Variants in TRMT11 observed in about 807,000 individuals in gnomAD.
The protein encoded by TRMT11 is tRNA (guanine(10)-N(2))-methyltransferase TRMT11.
Under a neutral mutation model 62.8 loss-of-function variants are expected in TRMT11, and 53 were observed. The observed-to-expected ratio is 0.84, with a 90% CI of 0.68 to 1.06. The LOEUF (loss-of-function observed/expected upper bound fraction) is 1.06, where lower values mean the gene tolerates loss of function less well. TRMT11 is among the 50% of genes least tolerant of loss of function. The pLI is 0.00. For synonymous variants in TRMT11, 188 were observed against 190.3 expected, an observed-to-expected ratio of 0.99 and a Z score of 0.10; for missense variants, 556 against 553.4, an observed-to-expected ratio of 1.00 and a Z score of -0.05.
chr6:126,140,236 C>T (rs984679958), intron 21 of TRMT11, among the ~76,000 whole-genome samples: 1 of 151,536 alleles, frequency 6.6e-6, no homozygotes, highest in South Asian at 2.1e-4. Flanking sequence ...CCTATTTGGT[C>T]CTGATGTGTA....
At chr6:126,039,715 A>T (rs183362100), downstream of TRMT11, among the ~76,000 whole-genome samples, 258 of 152,186 alleles carry the variant, frequency 1.7e-3, 4 homozygotes, top group African/African-American at 5.6e-3. Flanking sequence ...TTAATTCAGG[A>T]TGCTAATAGC....
chr6:126,080,161 G>A (rs1777130451), intron 17 of TRMT11, among the ~76,000 whole-genome samples: 1 of 152,028 alleles, frequency 6.6e-6, no homozygotes, highest in Admixed American at 6.6e-5. Flanking sequence ...GAGTGCAGTG[G>A]CGTGATCATA....
At chr6:126,244,200 A>T in the TRMT11 span, among the ~76,000 whole-genome samples, 3 of 151,756 alleles carry the variant, frequency 2.0e-5, no homozygotes, top group Non-Finnish European at 4.4e-5. Context: ...CCATCAGTGT[A>T]TGGGAGAAAT....
Position 126,011,220 on chromosome 6 carries a change from A to G in TRMT11, c.761-33A>G, listed in dbSNP as rs371375680. 7 of 1,574,294 alleles carry G rather than the reference A, an allele frequency of 4.4e-6. No homozygotes were observed. In the African/African-American group the frequency reaches 9.5e-5, roughly 21 times the overall value. ...ACAGAAAATAAGAATACTCTGTTTA[A>G]TACTTTCTCTCTTCCTTTTTCTTTC... On this transcript the variant is annotated intron_variant, in intron 8 of 12. Transcript: ENST00000334379.
chr6:126,119,480 T>TAA (rs56778747), intron 21 of TRMT11, among the ~76,000 whole-genome samples: 16 of 124,354 alleles, frequency 1.3e-4, no homozygotes, highest in African/African-American at 3.6e-4. Context: ...TCTTCTTTGA[T>TAA]AAAAAAAAAA....
intron 21 of TRMT11, among the ~76,000 whole-genome samples, chr6:126,157,010 C>A (rs1029228584): frequency 6.6e-6 from 1 of 152,180 alleles, no homozygotes; most frequent in Non-Finnish European, 1.5e-5. Context: ...ATTCCAAATG[C>A]AGAGTTTCTC....
At chr6:125,988,251 A>G (rs1349980304) in intron 1 of TRMT11, among the ~76,000 whole-genome samples, 3 of 152,248 alleles carry the variant, frequency 2.0e-5, no homozygotes, top group Non-Finnish European at 2.9e-5. Flanking sequence ...TAAAGCGAAT[A>G]TGTTGAGTTT....
At chr6:126,192,840 G>C (rs1778618840) in intron 1 of TRMT11, among the ~76,000 whole-genome samples, 1 of 152,036 alleles carries the variant, frequency 6.6e-6, no homozygotes. Context: ...CTAATATTTT[G>C]TTGAGAATTT....
intron 1 of TRMT11, among the ~76,000 whole-genome samples, chr6:126,178,285 T>G (rs1778413669): frequency 6.6e-6 from 1 of 152,186 alleles, no homozygotes; most frequent in Non-Finnish European, 1.5e-5. Flanking sequence ...CTGTTCCATG[T>G]GAGCTATGAG....
chr6:126,182,856 G>A (rs923745460), intron 1 of TRMT11, among the ~76,000 whole-genome samples: 1 of 151,876 alleles, frequency 6.6e-6, no homozygotes, highest in African/African-American at 2.4e-5. Flanking sequence ...TTTTTATTTT[G>A]CAATCTCTGC....
chr6:126,249,527 A>G, the TRMT11 span, among the ~76,000 whole-genome samples: 1 of 152,194 alleles, frequency 6.6e-6, no homozygotes, highest in Non-Finnish European at 1.5e-5. Context: ...ACTTTTAGCT[A>G]TAAGAAGACA....
At chr6:125,991,283 T>C (rs993525082) in intron 1 of TRMT11, among the ~76,000 whole-genome samples, 4 of 151,686 alleles carry the variant, frequency 2.6e-5, no homozygotes, top group African/African-American at 9.7e-5. Context: ...GACTGTTCTC[T>C]CTCTGTTTTC....
the TRMT11 span, among the ~76,000 whole-genome samples, chr6:126,229,850 A>G: frequency 6.6e-6 from 1 of 152,154 alleles, no homozygotes; most frequent in African/African-American, 2.4e-5. Flanking sequence ...AGTAGAAGTT[A>G]TATTATGTAG....
At chr6:126,109,238 A>G (rs937925350) in intron 17 of TRMT11, among the ~76,000 whole-genome samples, 1 of 152,204 alleles carries the variant, frequency 6.6e-6, no homozygotes, top group East Asian at 1.9e-4. Flanking sequence ...AGTTGTCCCA[A>G]TGAAAAGGTT....
At position 126,099,375 on chromosome 6, in the gene TRMT11, A is replaced by C. The variant is rs574126648; in HGVS notation, c.*1438-13491A>C. ...AAAATGAAAATAAATTTAGTGCATC[A>C]ATCAAAATTTGGCCACCTACCTGTG... On this transcript the variant is annotated intron_variant and NMD_transcript_variant, in intron 17 of 22. Transcript: ENST00000648977. 4.6e-5 allele frequency among the ~76,000 whole-genome samples: 7 copies of C among 152,308 alleles called. No homozygotes were observed. In the South Asian group the frequency reaches 1.2e-3, roughly 27 times the overall value.
chr6:126,253,095 T>A, the TRMT11 span, among the ~76,000 whole-genome samples: 1 of 141,148 alleles, frequency 7.1e-6, no homozygotes, highest in African/African-American at 2.7e-5. Flanking sequence ...GTCTTTGGAT[T>A]TAATGAAAAA....
the TRMT11 span, among the ~76,000 whole-genome samples, chr6:126,249,134 T>C: frequency 6.6e-6 from 1 of 152,102 alleles, no homozygotes; most frequent in Non-Finnish European, 1.5e-5. Context: ...AATGCCAGAA[T>C]ATCAGTTATG....
chr6:126,206,521 A>G (rs150402598), downstream of TRMT11, among the ~76,000 whole-genome samples: 87 of 152,328 alleles, frequency 5.7e-4, no homozygotes, highest in Non-Finnish European at 9.1e-4. Flanking sequence ...GTTATTCTCT[A>G]TATCTTTCAG....
intron 12 of TRMT11, among the ~76,000 whole-genome samples, chr6:126,035,903 G>C (rs376254182): frequency 7.2e-5 from 11 of 151,954 alleles, no homozygotes; most frequent in African/African-American, 2.7e-4. Context: ...CCTTTGGTCC[G>C]TAGAGGAAGC....
Sources: gnomAD v4.1 joint callset for allele counts (sites outside exome capture counted in the v4.1 genomes callset) on GRCh38, gnomAD v4.1.1 for gene constraint, MANE v1.5 for transcripts, NCBI Gene and HGNC (gene_info 2026-07-23, HGNC 2026-07-21) for gene names.